LRBA: variants seen among roughly 807,000 people sequenced by gnomAD.
LRBA encodes LPS responsive beige-like anchor protein.
Under a neutral mutation model 330.0 loss-of-function variants are expected in LRBA, and 176 were observed. The observed-to-expected ratio is 0.53, with a 90% CI of 0.47 to 0.60. LRBA has a LOEUF of 0.60. LRBA is among the 20% of genes least tolerant of loss of function. The pLI is 0.00. For synonymous variants in LRBA, 1,230 were observed against 1,193.0 expected (o/e 1.03, Z -0.64); for missense variants, 3,259 against 3,444.8 (o/e 0.95, Z 1.35).
At chr4:150,410,869 T>C (rs1222807387) in intron 47 of LRBA, among the ~76,000 whole-genome samples, 1 of 152,188 alleles carries the variant, frequency 6.6e-6, no homozygotes, top group Non-Finnish European at 1.5e-5. Context: ...TTGTCTCTTA[T>C]TCAACATGAA....
intron 47 of LRBA, among the ~76,000 whole-genome samples, chr4:150,381,590 T>G (rs893898385): frequency 6.6e-6 from 1 of 152,250 alleles, no homozygotes; most frequent in African/African-American, 2.4e-5. Context: ...GTTAATCCAT[T>G]ATTAATTATT....
At chr4:150,708,838 G>T (rs1785899717) in intron 36 of LRBA, among the ~76,000 whole-genome samples, 1 of 151,688 alleles carries the variant, frequency 6.6e-6, no homozygotes, top group Admixed American at 6.6e-5. Flanking sequence ...TTCTTAAGTT[G>T]GGGTATACAT....
intron 31 of LRBA, among the ~76,000 whole-genome samples, chr4:150,809,785 T>C (rs998489216): frequency 3.3e-5 from 5 of 151,920 alleles, no homozygotes; most frequent in African/African-American, 1.2e-4. Flanking sequence ...AGGGCAGAGG[T>C]TGCAGTGTGC....
rs930347260 is a variant in LRBA, at chr4:150,867,965, C to T, written c.2574-102G>A. The T allele has an allele frequency of 8.0e-5, 82 of 1,030,254 alleles. No homozygotes were observed. In the African/African-American group the frequency reaches 1.2e-3, roughly 15 times the overall value. 63.8% of individuals were successfully genotyped at this position (1,030,254 alleles called of 1,614,324 possible). ...ATAACCCTGCCCCTCCCTTTCCCCC[C>T]GAAAAAGAAACACATTTAGTTATAC... On this transcript the variant is annotated intron_variant, in intron 21 of 56. Coordinates refer to ENST00000651943, the MANE Select transcript of LRBA (RefSeq NM_001364905.1).
chr4:150,388,296 C>T (rs1479615887), intron 47 of LRBA, among the ~76,000 whole-genome samples: 1 of 152,242 alleles, frequency 6.6e-6, no homozygotes, highest in Admixed American at 6.5e-5. Flanking sequence ...AATTAGGGCT[C>T]CAACATAATT....
intron 40 of LRBA, among the ~76,000 whole-genome samples, chr4:150,534,692 G>A (rs1183572592): frequency 6.6e-6 from 1 of 152,084 alleles, no homozygotes; most frequent in Non-Finnish European, 1.5e-5. Flanking sequence ...CTTTTAAGGA[G>A]ACAGGAAGAA....
chr4:150,338,043 T>C (rs189948681), intron 48 of LRBA, among the ~76,000 whole-genome samples: 2 of 152,162 alleles, frequency 1.3e-5, no homozygotes, highest in Non-Finnish European at 2.9e-5. Flanking sequence ...ACTGGGGTCA[T>C]GTAAACTTAA....
rs1180609704 is a variant in LRBA at position 150,282,492 on chromosome 4, A to G, written c.8274T>C (p.Asn2758=). The change falls in exon 55 of 57, where the codon AAT becomes AAC. Residue 2758 remains asparagine, a synonymous_variant. Transcript: ENST00000651943. ...ENGLFCTFSV[N]GKLQATMETD... is the part of the protein sequence containing the mutation. ...TTTCCATCGTGGCCTGGAGTTTTCC[A>G]TTCACACTGAATGTACAGAAGAGGC... The G allele has an allele frequency of 6.2e-7, 1 of 1,614,048 alleles. No homozygotes were observed. The highest frequency in any genetic ancestry group is 8.5e-7 in the Non-Finnish European group (1 of 1,180,028).
At position 150,389,570 on chromosome 4, in the gene LRBA, G is replaced by A. The variant is rs186044041; in HGVS notation, c.7194+25868C>T. ...CTAAAAATACAAAAATTAGCCAGGC[G>A]TGGTGGCACATGCTTGTAATCCCAA... On this transcript the variant is annotated intron_variant, in intron 47 of 56. Coordinates refer to ENST00000651943, the MANE Select transcript of LRBA (RefSeq NM_001364905.1). Among the ~76,000 whole-genome samples, 590 of 150,302 alleles carry A rather than the reference G, an allele frequency of 3.9e-3. 7 individuals carry two copies. Among genetic ancestry groups the A allele is most frequent in the Admixed American group, 0.027 (407 of 14,972 alleles).
intron 36 of LRBA, among the ~76,000 whole-genome samples, chr4:150,724,833 C>A: frequency 6.8e-6 from 1 of 146,634 alleles, no homozygotes; most frequent in Non-Finnish European, 1.5e-5. Flanking sequence ...AGAGCCAGAC[C>A]CTGTCTCAAA....
chr4:150,599,238 T>C lies in LRBA; in HGVS notation c.5922-107A>G. The C allele has an allele frequency of 3.3e-6, 4 of 1,194,942 alleles. 1 individual carries two copies. In the South Asian group the frequency reaches 5.8e-5, roughly 17 times the overall value. 74.0% of individuals were successfully genotyped at this position (1,194,942 alleles called of 1,614,324 possible). On this transcript the variant is annotated intron_variant, in intron 37 of 56. Coordinates refer to ENST00000651943, the MANE Select transcript of LRBA (RefSeq NM_001364905.1). ...TGTTTGCTCTGCCTTTTTTTCCCTC[T>C]CCTTCCACTTAATTCTCCCTCCATC...
intron 2 of LRBA, among the ~76,000 whole-genome samples, chr4:150,975,691 G>A (rs1173070980): frequency 3.3e-5 from 5 of 151,810 alleles, no homozygotes; most frequent in African/African-American, 7.3e-5. Flanking sequence ...AGCCTAGATG[G>A]GCACATTAGC....
intron 2 of LRBA, among the ~76,000 whole-genome samples, chr4:150,947,304 G>C (rs1187279217): frequency 6.7e-6 from 1 of 149,426 alleles, no homozygotes; most frequent in South Asian, 2.1e-4. Flanking sequence ...TTAGCAAGTA[G>C]AATTCGGCAA....
intron 44 of LRBA, among the ~76,000 whole-genome samples, chr4:150,456,721 T>C (rs1362340789): frequency 6.6e-6 from 1 of 152,164 alleles, no homozygotes; most frequent in Non-Finnish European, 1.5e-5. Flanking sequence ...TGCCTGTGCT[T>C]ATGGGGCACT....
chr4:150,509,755 A>G (rs1188683108), intron 40 of LRBA, among the ~76,000 whole-genome samples: 1 of 152,230 alleles, frequency 6.6e-6, no homozygotes. Flanking sequence ...AAGAGACATC[A>G]AAACAGATTT....
intron 2 of LRBA, among the ~76,000 whole-genome samples, chr4:150,950,511 C>A (rs370071104): frequency 6.6e-6 from 1 of 151,428 alleles, no homozygotes; most frequent in African/African-American, 2.4e-5. Flanking sequence ...ACAAATCTTA[C>A]TTTGAAGAAC....
intron 35 of LRBA, among the ~76,000 whole-genome samples, chr4:150,743,454 A>T (rs1330706011): frequency 2.0e-5 from 3 of 152,232 alleles, no homozygotes; most frequent in Non-Finnish European, 4.4e-5. Context: ...TCCACAATAT[A>T]CATTAAGAGG....
intron 36 of LRBA, among the ~76,000 whole-genome samples, chr4:150,704,963 T>C (rs1246342869): frequency 6.6e-6 from 1 of 152,216 alleles, no homozygotes; most frequent in East Asian, 1.9e-4. Flanking sequence ...CGGAAATGGC[T>C]TGTTGTACCG....
At chr4:150,335,152 G>A (rs1250555769) in intron 48 of LRBA, among the ~76,000 whole-genome samples, 1 of 151,692 alleles carries the variant, frequency 6.6e-6, no homozygotes, top group Admixed American at 6.6e-5. Context: ...ATTTTCATAA[G>A]GAAAGAATCA....
Sources: gnomAD v4.1 joint callset for allele counts (sites outside exome capture counted in the v4.1 genomes callset) on GRCh38, gnomAD v4.1.1 for gene constraint, MANE v1.5 for transcripts, NCBI Gene and HGNC (gene_info 2026-07-23, HGNC 2026-07-21) for gene names.